The following LITAF variants were observed in gnomAD, a reference collection of about 807,000 sequenced individuals.
LITAF encodes lipopolysaccharide-induced tumor necrosis factor-alpha factor.
Under a neutral mutation model 14.5 loss-of-function variants are expected in LITAF, and 9 were observed. That is an observed-to-expected ratio of 0.62 (90% CI 0.37 to 1.08). LITAF has a LOEUF of 1.08. Ranked by LOEUF, LITAF falls within the 50% of genes least tolerant of loss-of-function variation. The pLI, the probability that LITAF is intolerant of heterozygous loss-of-function variation, is 0.01. For missense variants in LITAF, 206 were observed against 213.4 expected, an observed-to-expected ratio of 0.97 and a Z score of 0.22; for synonymous variants, 98 against 88.2, an observed-to-expected ratio of 1.11 and a Z score of -0.62.
intron 1 of LITAF, among the ~76,000 whole-genome samples, chr16:11,579,694 T>C (rs1282903181): frequency 6.6e-6 from 1 of 152,074 alleles, no homozygotes. Context: ...AAGATGTGAA[T>C]AATGGAGAGA....
chr16:11,589,323 C>T (rs984084173), upstream of LITAF, among the ~76,000 whole-genome samples: 20 of 152,202 alleles, frequency 1.3e-4, no homozygotes, highest in African/African-American at 4.6e-4. Flanking sequence ...AATCCCAGAG[C>T]TAATGACACA....
At chr16:11,565,474 A>C (rs964849988) in intron 1 of LITAF, among the ~76,000 whole-genome samples, 1 of 151,526 alleles carries the variant, frequency 6.6e-6, no homozygotes, top group Non-Finnish European at 1.5e-5. Context: ...TGCGGGGAGG[A>C]GACACTGCTG....
At chr16:11,584,925 G>C (rs780857922) in intron 1 of LITAF, among the ~76,000 whole-genome samples, 1 of 152,144 alleles carries the variant, frequency 6.6e-6, no homozygotes, top group Non-Finnish European at 1.5e-5. Flanking sequence ...CTTAAGAAAT[G>C]GGCCGGGTGA....
intron 1 of LITAF, among the ~76,000 whole-genome samples, chr16:11,567,804 G>A (rs998689347): frequency 6.6e-6 from 1 of 151,964 alleles, no homozygotes; most frequent in Non-Finnish European, 1.5e-5. Flanking sequence ...AGCCAACATG[G>A]TGAAACCCGG....
intron 3 of LITAF, among the ~76,000 whole-genome samples, chr16:11,613,098 G>T (rs190456673): frequency 2.1e-4 from 32 of 152,198 alleles, no homozygotes; most frequent in African/African-American, 7.5e-4. Context: ...GGAGTGCAGT[G>T]GTACAATGTC....
chr16:11,570,419 C>T (rs1355801385), intron 1 of LITAF, among the ~76,000 whole-genome samples: 1 of 152,186 alleles, frequency 6.6e-6, no homozygotes, highest in Admixed American at 6.5e-5. Context: ...GCCACAGGGA[C>T]CTGTTCTGTA....
intron 1 of LITAF, among the ~76,000 whole-genome samples, chr16:11,573,511 A>T (rs759147209): frequency 6.6e-6 from 1 of 152,214 alleles, no homozygotes; most frequent in Non-Finnish European, 1.5e-5. Flanking sequence ...TGCTGGTAAC[A>T]GCAGAAGCCT....
At chr16:11,572,235 T>G (rs2064554034) in intron 1 of LITAF, among the ~76,000 whole-genome samples, 1 of 152,122 alleles carries the variant, frequency 6.6e-6, no homozygotes, top group Non-Finnish European at 1.5e-5. Context: ...GTTCCCTTCC[T>G]GCTCCCCAGG....
At chr16:11,580,996 C>A (rs1325126777) in intron 1 of LITAF, among the ~76,000 whole-genome samples, 1 of 152,128 alleles carries the variant, frequency 6.6e-6, no homozygotes, top group African/African-American at 2.4e-5. Flanking sequence ...ATCTCCTGGG[C>A]TCAAGCGATC....
chr16:11,638,812 A>C (rs1025095421), upstream of LITAF, among the ~76,000 whole-genome samples: 2 of 151,700 alleles, frequency 1.3e-5, no homozygotes, highest in East Asian at 3.8e-4. Context: ...TAGATTTCCA[A>C]TAGGAATCAC....
At chr16:11,556,881 G>A (rs1376751384) in intron 1 of LITAF, 146 bp from the exon 2 acceptor site, 1 of 733,366 alleles carries the variant, frequency 1.4e-6, no homozygotes, top group African/African-American at 1.8e-5. Context: ...TAGGAAGAGG[G>A]TTAATGTCCC....
At chr16:11,577,638 CAAGAA>C (rs1487425266) in intron 1 of LITAF, among the ~76,000 whole-genome samples, 3 of 151,978 alleles carry the variant, frequency 2.0e-5, no homozygotes, top group African/African-American at 7.2e-5. Context: ...ATTTTTTAAA[CAAGAA>C]AAGACAAATC....
intron 1 of LITAF, among the ~76,000 whole-genome samples, chr16:11,594,017 A>T (rs1176794748): frequency 6.6e-6 from 1 of 151,964 alleles, no homozygotes; most frequent in East Asian, 1.9e-4. Flanking sequence ...TCTCTACATT[A>T]AAAAAAATAT....
chr16:11,621,822 C>T (rs140399442), intron 3 of LITAF, among the ~76,000 whole-genome samples: 20 of 152,192 alleles, frequency 1.3e-4, no homozygotes, highest in Non-Finnish European at 2.9e-4. Context: ...ACCACTGGCA[C>T]CCAGATCCTA....
chr16:11,557,332 G>A (rs2064290549), intron 1 of LITAF, among the ~76,000 whole-genome samples: 1 of 151,240 alleles, frequency 6.6e-6, no homozygotes, highest in African/African-American at 2.4e-5. Context: ...TTTGCGGGGG[G>A]CGGGTCCTGT....
chr16:11,555,227 C>A (rs536649316), intron 2 of LITAF, among the ~76,000 whole-genome samples: 1 of 152,280 alleles, frequency 6.6e-6, no homozygotes, highest in East Asian at 1.9e-4. Flanking sequence ...CAATGTCTCA[C>A]TATGTCACTC....
rs1376087643 is a variant in LITAF, at chr16:11,556,602, T to C, written c.129A>G (p.Pro43=). ...YPTPPAPMPG[P]TTGLVTGPDG... ...CAGGCCCCGTCACAAGCCCCGTAGT[T>C]GGCCCAGGCATGGGAGCTGGAGGTG... is the stretch of plus-strand genomic sequence containing the variant. Residue 43 remains proline (P), a synonymous_variant, in exon 2 of 4, where the codon CCA becomes CCG. Coordinates refer to ENST00000622633, the MANE Select transcript of LITAF (RefSeq NM_001136472.2). 2 of 1,614,194 alleles carry C rather than the reference T, an allele frequency of 1.2e-6. No individual in the cohort carries two copies. Among genetic ancestry groups the C allele is most frequent in the Non-Finnish European group, 8.5e-7 (1 of 1,180,042 alleles).
intron 3 of LITAF, among the ~76,000 whole-genome samples, chr16:11,618,882 C>CT (rs2065033046): frequency 6.6e-6 from 1 of 151,934 alleles, no homozygotes; most frequent in Non-Finnish European, 1.5e-5. Context: ...ACTCAGGAGG[C>CT]TGAGGCAGGA....
intron 1 of LITAF, among the ~76,000 whole-genome samples, chr16:11,566,358 A>G (rs1406054443): frequency 6.6e-6 from 1 of 152,186 alleles, no homozygotes; most frequent in Non-Finnish European, 1.5e-5. Context: ...TAAATCTAGG[A>G]AAGTCTCAGG....
Sources: allele counts gnomAD v4.1 joint callset (sites outside exome capture counted in the v4.1 genomes callset), GRCh38; gene constraint gnomAD v4.1.1; transcripts MANE v1.5; gene names NCBI Gene and HGNC (gene_info 2026-07-23, HGNC 2026-07-21).